NISCH: variants seen among roughly 807,000 people sequenced by gnomAD.
NISCH encodes the protein nischarin.
In NISCH, 55 loss-of-function variants were observed where a neutral mutation model predicts 138.4. The ratio of observed to expected loss-of-function variants is 0.40; its 90% CI spans 0.32 to 0.50. NISCH has a LOEUF of 0.50. Among genes scored for constraint, NISCH ranks in the 20% least tolerant of loss-of-function variants. NISCH has a pLI of 0.71. For synonymous variants in NISCH, 860 were observed against 861.5 expected, an observed-to-expected ratio of 1.00 and a Z score of 0.03; for missense variants, 1,643 against 2,005.5, an observed-to-expected ratio of 0.82 and a Z score of 3.45.
At chr3:52,471,775 G>A in intron 4 of NISCH, 39 bp from the exon 5 acceptor site, 1 of 1,612,098 alleles carries the variant, frequency 6.2e-7, no homozygotes. Context: ...GGCTGGGGCT[G>A]CGGCTGGACA....
In NISCH at chr3:52,492,787, C is replaced by T; in HGVS notation, c.*305C>T. The T allele has an allele frequency of 7.2e-6, 3 of 416,438 alleles. No homozygotes were observed. The highest frequency in any genetic ancestry group is 1.3e-5 in the Non-Finnish European group (3 of 231,796). 25.8% of individuals were successfully genotyped at this position (416,438 alleles called of 1,614,324 possible). On this transcript the variant is annotated 3_prime_UTR_variant, in exon 21 of 21. Coordinates refer to ENST00000345716, the MANE Select transcript of NISCH (RefSeq NM_007184.4). ...CGTGACACTGTGGGTCTGACTTTCT[C>T]TTCTACACGTCCTTTCCTGAAGTGT... is the stretch of plus-strand genomic sequence containing the variant.
At chr3:52,481,947 G>A in intron 13 of NISCH, 1 of 983,010 alleles carries the variant, frequency 1.0e-6, no homozygotes, top group Non-Finnish European at 1.2e-6. Flanking sequence ...GTGAGAAACA[G>A]CAAAGATCGG....
intron 1 of NISCH, 121 bp downstream of exon 1, chr3:52,455,855 T>C: frequency 3.0e-6 from 2 of 658,156 alleles, no homozygotes; most frequent in South Asian, 7.5e-5. Context: ...GGGTCTGCGA[T>C]TGCGAGGAGG....
At chr3:52,474,959 C>G (rs1043245181) in intron 7 of NISCH, among the ~76,000 whole-genome samples, 1 of 152,170 alleles carries the variant, frequency 6.6e-6, no homozygotes, top group African/African-American at 2.4e-5. Flanking sequence ...GGGAATGTTT[C>G]TGTTTACCTT....
rs767667859 is a variant in NISCH at position 52,492,490 on chromosome 3, C to T, written c.*8C>T. 1.9e-6 allele frequency: 3 copies of T among 1,582,868 alleles called. No individual in the cohort carries two copies. The highest frequency in any genetic ancestry group is 2.2e-5 in the East Asian group (1 of 44,550). ...GTCGAGCTCACCGGCTAGCCCAGGC[C>T]ACAGCCAGCCTGTCGTGTCCAGCCT... On this transcript the variant is annotated 3_prime_UTR_variant, in exon 21 of 21. Coordinates refer to ENST00000345716, the MANE Select transcript of NISCH (RefSeq NM_007184.4).
In NISCH at chr3:52,478,077, T is replaced by C. The variant is rs1196629821; in HGVS notation, c.988-20T>C. 1 of 1,612,410 alleles carries C rather than the reference T, an allele frequency of 6.2e-7. No individual in the cohort carries two copies. Among genetic ancestry groups the C allele is most frequent in the Non-Finnish European group, 8.5e-7 (1 of 1,179,532 alleles). ...AGACTTGACCTGAGCCACTTTACGC[T>C]GTTCTCCACGCCGCTGCAGCACCTG... On this transcript the variant is annotated intron_variant, in intron 9 of 20. Transcript: ENST00000345716.
In NISCH at chr3:52,491,982, C is replaced by A; in HGVS notation, c.4015C>A (p.Pro1339Thr). ...CACTGTGGCCCAAAAGATGGCTGAGCCAGAGAAGGCCCCAGCCCTCAGCAT... is the reference window on the plus strand; with the variant it reads ...CACTGTGGCCCAAAAGATGGCTGAGACAGAGAAGGCCCCAGCCCTCAGCAT... ...TFTVAQKMAE[P>T]EKAPALSILL... is the part of the protein sequence containing the mutation. Residue 1339 changes from proline to threonine, a missense_variant, in exon 21 of 21, where the codon CCA becomes ACA. By Grantham distance (38) the Pro-to-Thr change is conservative. Transcript: ENST00000345716. 1 of 1,613,550 alleles carries A rather than the reference C, an allele frequency of 6.2e-7. No individual in the cohort carries two copies. Among genetic ancestry groups the A allele is most frequent in the Non-Finnish European group, 8.5e-7 (1 of 1,180,028 alleles).
At chr3:52,461,600 A>C (rs546134654) in intron 3 of NISCH, among the ~76,000 whole-genome samples, 1 of 152,308 alleles carries the variant, frequency 6.6e-6, no homozygotes, top group East Asian at 1.9e-4. Flanking sequence ...GCAGTGGCTC[A>C]CGCCTGTAAT....
At chr3:52,489,185 G>A (rs1578313248) in intron 16 of NISCH, 151 bp from the exon 17 acceptor site, 1 of 939,922 alleles carries the variant, frequency 1.1e-6, no homozygotes, top group South Asian at 1.6e-5. Context: ...CGGCCGTGCT[G>A]TTCTGTTCTC....
rs369875480 is a variant in NISCH, at chr3:52,484,630, C to T, written c.1646C>T (p.Ala549Val). The T allele has an allele frequency of 3.5e-5, 56 of 1,613,790 alleles. No individual in the cohort carries two copies. In the Middle Eastern group the frequency reaches 4.9e-4, roughly 14 times the overall value. Residue 549 changes from alanine to valine, a missense_variant, in exon 14 of 21, where the codon GCG becomes GTG. By Grantham distance (64) the Ala-to-Val change is moderately conservative (BLOSUM62 0). Coordinates refer to ENST00000345716, the MANE Select transcript of NISCH (RefSeq NM_007184.4). The part of the protein sequence containing the change: ...GCSDSLESIP[A>V]GQAASDDLRD... ...TCTGATTCCTTGGAGTCCATCCCTG[C>T]GGGACAGGTAATGCCCTCTTCCCGC...
At chr3:52,486,052 G>A (rs902802544) in intron 15 of NISCH, among the ~76,000 whole-genome samples, 1 of 152,218 alleles carries the variant, frequency 6.6e-6, no homozygotes, top group Non-Finnish European at 1.5e-5. Flanking sequence ...TACACCAGGG[G>A]TTGGCAAATC....
chr3:52,489,249 C>A, intron 16 of NISCH, 87 bp from the exon 17 acceptor site: 1 of 1,470,160 alleles, frequency 6.8e-7, no homozygotes, highest in South Asian at 1.3e-5. Context: ...GTGTGATGCA[C>A]ACAGTCTCCT....
At chr3:52,471,527 C>T in intron 4 of NISCH, 2 of 538,280 alleles carry the variant, frequency 3.7e-6, no homozygotes, top group South Asian at 4.3e-5. Context: ...CGCAGCCTCA[C>T]TCTGGCCCAG....
chr3:52,481,326 A>G lies in NISCH; in HGVS notation c.1528+1031A>G, dbSNP rs889566718. 9.0e-5 allele frequency: 90 copies of G among 1,005,556 alleles called. No homozygotes were observed. In the African/African-American group the frequency reaches 1.4e-3, roughly 15 times the overall value. The allele number at this position is 1,005,556 out of a possible 1,614,324, so 62.3% of individuals were successfully genotyped here. A position where few individuals can be genotyped will look rare whatever the true frequency, so the allele number is the denominator to read the frequency against. On this transcript the variant is annotated intron_variant, in intron 13 of 20. Coordinates refer to ENST00000345716, the MANE Select transcript of NISCH (RefSeq NM_007184.4). ...CATTCAAGTTAAGGCAAAAGGCCCA[A>G]CGCAGAGCAGCACACTGAGGTCACA... is the stretch of plus-strand genomic sequence containing the variant.
chr3:52,475,966 C>A (rs1707087066), intron 7 of NISCH: 1 of 157,866 alleles, frequency 6.3e-6, no homozygotes, highest in African/African-American at 2.4e-5. Flanking sequence ...GTGAAGCCCC[C>A]ATCTCTATTA....
At chr3:52,460,999 G>A (rs1706616074) in intron 3 of NISCH, among the ~76,000 whole-genome samples, 2 of 152,302 alleles carry the variant, frequency 1.3e-5, no homozygotes, top group Non-Finnish European at 2.9e-5. Context: ...AGCACTTTGG[G>A]AAGGCCCAGA....
At chr3:52,481,677 C>T (rs1172350590) in intron 13 of NISCH, 20 of 985,388 alleles carry the variant, frequency 2.0e-5, no homozygotes, top group Non-Finnish European at 2.4e-5. Flanking sequence ...GAGCAGGAGC[C>T]AGTGAAGAGC....
At chr3:52,471,169 C>G (rs1706935472) in intron 4 of NISCH, 1 of 538,050 alleles carries the variant, frequency 1.9e-6, no homozygotes, top group East Asian at 3.0e-5. Flanking sequence ...TTTGTGCTTA[C>G]CTGAAAGGGC....
At chr3:52,462,107 G>A (rs796347777) in intron 3 of NISCH, among the ~76,000 whole-genome samples, 8 of 152,270 alleles carry the variant, frequency 5.3e-5, no homozygotes, top group African/African-American at 1.9e-4. Flanking sequence ...GTTCTGGTTT[G>A]AGGCAGGCTC....
Sources: allele counts gnomAD v4.1 joint callset (sites outside exome capture counted in the v4.1 genomes callset), GRCh38; gene constraint gnomAD v4.1.1; transcripts MANE v1.5; gene names NCBI Gene and HGNC (gene_info 2026-07-23, HGNC 2026-07-21).